ATXN7L1: variants seen among roughly 807,000 people sequenced by gnomAD.
ATXN7L1 encodes ataxin 7 like 1.
Under a neutral mutation model 70.8 loss-of-function variants are expected in ATXN7L1, and 15 were observed. The ratio of observed to expected loss-of-function variants is 0.21; its 90% CI spans 0.14 to 0.33. ATXN7L1 has a LOEUF of 0.33. Among genes scored for constraint, ATXN7L1 ranks in the 10% least tolerant of loss-of-function variants. The pLI is 1.00. For synonymous variants in ATXN7L1, 440 were observed against 445.1 expected (o/e 0.99, Z 0.14); for missense variants, 975 against 1,097.1 (o/e 0.89, Z 1.57).
At chr7:105,622,972 C>A (rs932527764) in intron 8 of ATXN7L1, among the ~76,000 whole-genome samples, 1 of 152,316 alleles carries the variant, frequency 6.6e-6, no homozygotes, top group Non-Finnish European at 1.5e-5. Context: ...AGCTTGGGAG[C>A]ACCTGCCTCT....
intron 9 of ATXN7L1, among the ~76,000 whole-genome samples, chr7:105,616,553 T>C (rs1051332847): frequency 2.0e-5 from 3 of 152,228 alleles, no homozygotes; most frequent in Admixed American, 2.0e-4. Flanking sequence ...TAAGAGATCC[T>C]GTAAGCACTC....
Position 105,671,889 on chromosome 7 carries a change from C to CAA in ATXN7L1, c.356-6603_356-6602dup, listed in dbSNP as rs55748938. 3.0e-3 allele frequency among the ~76,000 whole-genome samples: 167 copies of CAA among 56,414 alleles called. 2 individuals are homozygous for CAA. Among genetic ancestry groups the CAA allele is most frequent in the Non-Finnish European group, 3.2e-3 (107 of 33,858 alleles). 37.0% of individuals were successfully genotyped at this position (56,414 alleles called of 152,430 possible). ...TGAATGACAGAGTGAGACCCTGTCT[C>CAA]AAAAAAAAAAAAAAAAAAAAAAAAA... On this transcript the variant is annotated intron_variant, in intron 3 of 11. Coordinates refer to ENST00000419735, the MANE Select transcript of ATXN7L1 (RefSeq NM_020725.2).
intron 4 of ATXN7L1, among the ~76,000 whole-genome samples, chr7:105,655,808 C>A (rs140606073): frequency 6.6e-6 from 1 of 152,164 alleles, no homozygotes; most frequent in Admixed American, 6.5e-5. Context: ...CGGGAAGACC[C>A]GCCTGGTAAT....
chr7:105,731,364 A>G lies in ATXN7L1; in HGVS notation c.355+57240T>C, dbSNP rs1039537453. 9.9e-5 allele frequency among the ~76,000 whole-genome samples: 15 copies of G among 152,100 alleles called. No homozygotes were observed. In the East Asian group the frequency reaches 2.7e-3, roughly 27 times the overall value. ...ATCGTCTCACTTTTTCTTTAAATATAAACTGTCTTAAAAAATAAAGTCTCT... is the reference window on the plus strand; with the variant it reads ...ATCGTCTCACTTTTTCTTTAAATATGAACTGTCTTAAAAAATAAAGTCTCT... On this transcript the variant is annotated intron_variant, in intron 3 of 11. Coordinates refer to ENST00000419735, the MANE Select transcript of ATXN7L1 (RefSeq NM_020725.2).
intron 1 of ATXN7L1, among the ~76,000 whole-genome samples, chr7:105,876,107 CT>C (rs1425747481): frequency 1.3e-5 from 2 of 152,278 alleles, no homozygotes; most frequent in Non-Finnish European, 2.9e-5. Context: ...ACAAAGTAGC[CT>C]TTTAAACGGA....
At chr7:105,779,460 A>G (rs1300988362) in intron 3 of ATXN7L1, among the ~76,000 whole-genome samples, 1 of 152,218 alleles carries the variant, frequency 6.6e-6, no homozygotes, top group African/African-American at 2.4e-5. Flanking sequence ...CTTGAAGTGA[A>G]GCAAAACATG....
chr7:105,609,896 C>CA (rs147144972), intron 11 of ATXN7L1, among the ~76,000 whole-genome samples: 34,060 of 151,944 alleles, frequency 0.22, 4,864 homozygotes, highest in Non-Finnish European at 0.31. Flanking sequence ...CTCAGCCTCC[C>CA]GAGTAGCTGG....
intron 3 of ATXN7L1, among the ~76,000 whole-genome samples, chr7:105,780,916 A>C (rs1389669577): frequency 1.3e-5 from 2 of 152,222 alleles, no homozygotes; most frequent in Non-Finnish European, 2.9e-5. Flanking sequence ...CTTTGATAAA[A>C]AATTTAAATA....
At chr7:105,744,574 C>T (rs899700506) in intron 3 of ATXN7L1, among the ~76,000 whole-genome samples, 1 of 152,038 alleles carries the variant, frequency 6.6e-6, no homozygotes, top group African/African-American at 2.4e-5. Flanking sequence ...AAAAGCCTTC[C>T]ACCCACAAAT....
At chr7:105,788,520 G>C (rs778603206) in intron 3 of ATXN7L1, 84 bp downstream of exon 3, 101 of 1,111,580 alleles carry the variant, frequency 9.1e-5, no homozygotes, top group Non-Finnish European at 1.4e-4. Context: ...GACATGGCGA[G>C]ACCCTGTCGG....
chr7:105,856,533 C>T (rs1429162464), intron 2 of ATXN7L1, among the ~76,000 whole-genome samples: 1 of 148,358 alleles, frequency 6.7e-6, no homozygotes, highest in Non-Finnish European at 1.5e-5. Context: ...CTGCAGTGAG[C>T]CGAGATAGTG....
chr7:105,706,586 A>G (rs1019966485), intron 3 of ATXN7L1, among the ~76,000 whole-genome samples: 2 of 152,222 alleles, frequency 1.3e-5, no homozygotes, highest in Non-Finnish European at 2.9e-5. Flanking sequence ...AACAAAAACA[A>G]AAACAACAAA....
intron 3 of ATXN7L1, among the ~76,000 whole-genome samples, chr7:105,675,333 A>C (rs968516546): frequency 1.3e-5 from 2 of 152,184 alleles, no homozygotes; most frequent in Non-Finnish European, 2.9e-5. Context: ...TTAAAGAAAA[A>C]TATTTGAGGC....
chr7:105,639,645 A>T, intron 5 of ATXN7L1, 76 bp from the exon 6 acceptor site: 1 of 1,046,650 alleles, frequency 9.6e-7, no homozygotes, highest in Non-Finnish European at 1.4e-6. Flanking sequence ...TACATTTTTT[A>T]AAAAATGCAC....
chr7:105,808,573 T>A (rs1807946658), intron 2 of ATXN7L1, among the ~76,000 whole-genome samples: 1 of 152,018 alleles, frequency 6.6e-6, no homozygotes, highest in Non-Finnish European at 1.5e-5. Context: ...ATGAGAAAAA[T>A]CAGCACCTAA....
At chr7:105,741,816 G>T (rs1317617548) in intron 3 of ATXN7L1, among the ~76,000 whole-genome samples, 1 of 152,198 alleles carries the variant, frequency 6.6e-6, no homozygotes, top group South Asian at 2.1e-4. Flanking sequence ...AGAGTGACAT[G>T]CACAGCGAGA....
chr7:105,875,999 G>A (rs954026834), intron 1 of ATXN7L1, 119 bp from the exon 2 acceptor site: 2 of 929,738 alleles, frequency 2.2e-6, no homozygotes, highest in East Asian at 4.8e-5. Context: ...TACTGTATAT[G>A]AAATTCTTTC....
At chr7:105,835,485 C>T (rs1293258949) in intron 2 of ATXN7L1, among the ~76,000 whole-genome samples, 1 of 151,778 alleles carries the variant, frequency 6.6e-6, no homozygotes, top group Admixed American at 6.6e-5. Context: ...AAAAAGTTTC[C>T]GGAGGTAAGG....
intron 2 of ATXN7L1, among the ~76,000 whole-genome samples, chr7:105,814,145 C>A (rs148794899): frequency 7.9e-4 from 121 of 152,294 alleles, no homozygotes; most frequent in Non-Finnish European, 1.3e-3. Flanking sequence ...TCAGACCCTG[C>A]CCTTCAGGAT....
Sources: allele counts gnomAD v4.1 joint callset (sites outside exome capture counted in the v4.1 genomes callset), GRCh38; gene constraint gnomAD v4.1.1; transcripts MANE v1.5; gene names NCBI Gene and HGNC (gene_info 2026-07-23, HGNC 2026-07-21).